FGF13: variants seen among roughly 807,000 people sequenced by gnomAD.
FGF13 encodes the protein fibroblast growth factor homologous factor 2.
A neutral mutation model predicts 19.5 loss-of-function variants in FGF13; 2 were observed. That is an observed-to-expected ratio of 0.10 (90% CI 0.04 to 0.32). The LOEUF is 0.32. Among genes scored for constraint, FGF13 ranks in the 10% least tolerant of loss-of-function variants. FGF13 has a pLI of 1.00. For missense variants in FGF13, 113 were observed against 192.7 expected (o/e 0.59, Z 2.45); for synonymous variants, 72 against 76.9 (o/e 0.94, Z 0.33).
downstream of FGF13, among the ~76,000 whole-genome samples, chrX:138,856,466 G>A (rs959161633): frequency 2.7e-5 from 3 of 111,719 alleles, no homozygotes; most frequent in African/African-American, 9.8e-5. Context: ...ATATCAGAAA[G>A]ACAATTATCA....
intron 3 of FGF13, among the ~76,000 whole-genome samples, chrX:138,758,002 T>C (rs1391132267): frequency 8.9e-6 from 1 of 112,244 alleles, no homozygotes; most frequent in African/African-American, 3.2e-5. Context: ...TGTTAGTCAC[T>C]GTGCTGAACT....
chrX:139,133,020 C>T (rs778352589), intron 1 of FGF13, among the ~76,000 whole-genome samples: 1 of 111,310 alleles, frequency 9.0e-6, no homozygotes, highest in Admixed American at 9.5e-5. Context: ...GGAAAAAAGG[C>T]TTCAGTGGTA....
chrX:138,748,590 C>T (rs1393865785), intron 3 of FGF13, among the ~76,000 whole-genome samples: 1 of 111,992 alleles, frequency 8.9e-6, no homozygotes, highest in African/African-American at 3.2e-5. Context: ...TTTGTTATGT[C>T]AGTACTAGCA....
chrX:138,754,409 C>T (rs1363518242), intron 3 of FGF13, among the ~76,000 whole-genome samples: 15 of 111,223 alleles, frequency 1.3e-4, no homozygotes. Flanking sequence ...ACTCCCTCAC[C>T]TTCTCTTGGG....
intron 3 of FGF13, among the ~76,000 whole-genome samples, chrX:138,819,260 A>G (rs1241730023): frequency 2.7e-5 from 3 of 110,965 alleles, no homozygotes; most frequent in African/African-American, 9.8e-5. Context: ...TTTTTTTAGG[A>G]CAAGATATCA....
At chrX:138,846,185 T>TTGTGTGTGTGTGTGTG (rs200911113) in intron 3 of FGF13, among the ~76,000 whole-genome samples, 5 of 96,624 alleles carry the variant, frequency 5.2e-5, no homozygotes, top group East Asian at 6.6e-4. Flanking sequence ...ATGTGTCCAT[T>TTGTGTGTGTGTGTGTG]TGTGTGTGTG....
chrX:138,650,495 C>T (rs2089357956), intron 3 of FGF13, among the ~76,000 whole-genome samples: 1 of 111,851 alleles, frequency 8.9e-6, no homozygotes, highest in Non-Finnish European at 1.9e-5. Context: ...CATGTTCCTA[C>T]AAGAACATAC....
intron 3 of FGF13, among the ~76,000 whole-genome samples, chrX:138,661,224 A>G (rs765418037): frequency 8.9e-6 from 1 of 111,837 alleles, no homozygotes; most frequent in East Asian, 2.8e-4. Flanking sequence ...GTTGTACTCT[A>G]AACAAATAAG....
At chrX:138,834,291 G>A (rs761414096) in intron 3 of FGF13, among the ~76,000 whole-genome samples, 1 of 111,706 alleles carries the variant, frequency 9.0e-6, no homozygotes, top group East Asian at 2.8e-4. Flanking sequence ...ACTTTTATCA[G>A]TTGGTAGACT....
Position 138,625,060 on chromosome X carries a change from A to G in FGF13, c.*7790T>C, listed in dbSNP as rs2089045551. The G allele has an allele frequency of 9.0e-6, 1 of 110,981 alleles. No homozygotes were observed. Among genetic ancestry groups the G allele is most frequent in the African/African-American group, 3.3e-5 (1 of 30,505 alleles). 9.1% of individuals were successfully genotyped at this position (110,981 alleles called of 1,213,427 possible). A position where few individuals can be genotyped will look rare whatever the true frequency, so the allele number is the denominator to read the frequency against. On this transcript the variant is annotated 3_prime_UTR_variant, in exon 5 of 5. Coordinates refer to ENST00000315930, the MANE Select transcript of FGF13 (RefSeq NM_004114.5). ...GACATCTCTCCAAGGAAGACATACA[A>G]ATGGCCAACATATATCTGAAAAGGT...
intron 1 of FGF13, among the ~76,000 whole-genome samples, chrX:139,187,865 G>A (rs1179149582): frequency 8.9e-6 from 1 of 112,025 alleles, no homozygotes; most frequent in Non-Finnish European, 1.9e-5. Context: ...GACTATCCAC[G>A]TAACTAAGGT....
intron 1 of FGF13, among the ~76,000 whole-genome samples, chrX:138,893,137 G>A: frequency 9.0e-6 from 1 of 111,708 alleles, no homozygotes; most frequent in Non-Finnish European, 1.9e-5. Context: ...CCAGGGATAT[G>A]AGAAGGACCT....
chrX:138,984,698 G>C (rs777121025), intron 1 of FGF13, among the ~76,000 whole-genome samples: 3 of 13,831 alleles, frequency 2.2e-4, no homozygotes, highest in Admixed American at 5.6e-4. Flanking sequence ...AGGAGGAGAA[G>C]AAGAAGAAGA....
chrX:139,185,609 C>T (rs4829964), intron 1 of FGF13, among the ~76,000 whole-genome samples: 18,455 of 110,938 alleles, frequency 0.17, 1,269 homozygotes, highest in African/African-American at 0.26. Context: ...CCCACTGAAG[C>T]TGGTGTGGGG....
rs187725499 is a variant in FGF13 at position 138,953,022 on chromosome X, A to T, written c.-112-88372T>A. 4.0e-3 allele frequency among the ~76,000 whole-genome samples: 447 copies of T among 111,938 alleles called. 3 individuals carry two copies. The highest frequency in any genetic ancestry group is 0.014 in the African/African-American group (425 of 30,774). ...AACCATTGTGGAAGTCATTGTGGTG[A>T]TTCCTCAGGGATCTAGAACTAGAAA... On this transcript the variant is annotated intron_variant, in intron 1 of 2. Coordinates refer to the FGF13 transcript ENST00000421460.
At chrX:139,093,610 A>G (rs1195601406) in intron 1 of FGF13, among the ~76,000 whole-genome samples, 1 of 111,836 alleles carries the variant, frequency 8.9e-6, no homozygotes, top group Non-Finnish European at 1.9e-5. Context: ...CAGAATCTAC[A>G]CTGGGGTATT....
chrX:138,687,070 T>G (rs1037191868), intron 3 of FGF13, among the ~76,000 whole-genome samples: 1 of 111,622 alleles, frequency 9.0e-6, no homozygotes, highest in East Asian at 2.8e-4. Context: ...ATCCAGAAAA[T>G]GCTACAGGAC....
intron 1 of FGF13, among the ~76,000 whole-genome samples, chrX:138,878,696 T>A (rs1309813222): frequency 1.0e-5 from 1 of 100,056 alleles, no homozygotes; most frequent in African/African-American, 4.9e-5. Context: ...CAAATGGTAT[T>A]TCTAGTTCTA....
intron 1 of FGF13, among the ~76,000 whole-genome samples, chrX:139,182,213 T>G (rs896174884): frequency 1.8e-5 from 2 of 112,059 alleles, no homozygotes; most frequent in African/African-American, 6.5e-5. Context: ...GCACAAGCTC[T>G]GCATGCTTAA....
Sources: allele counts gnomAD v4.1 joint callset (sites outside exome capture counted in the v4.1 genomes callset), GRCh38; gene constraint gnomAD v4.1.1; transcripts MANE v1.5; gene names NCBI Gene and HGNC (gene_info 2026-07-23, HGNC 2026-07-21).